The following PRMT2 variants were observed in gnomAD, a reference collection of about 807,000 sequenced individuals.
PRMT2 encodes protein arginine methyltransferase 2, also known as protein arginine N-methyltransferase 2.
PRMT2 carries 26 observed loss-of-function variants against 57.6 expected under a neutral mutation model. The observed-to-expected ratio is 0.45, with a 90% confidence interval of 0.33 to 0.63. The LOEUF is 0.63. Among genes scored for constraint, PRMT2 ranks in the 20% least tolerant of loss-of-function variants. PRMT2 has a pLI of 0.02. For missense variants in PRMT2, 472 were observed against 564.4 expected, an observed-to-expected ratio of 0.84 and a Z score of 1.66; for synonymous variants, 219 against 220.0, an observed-to-expected ratio of 1.00 and a Z score of 0.04.
Position 46,648,699 on chromosome 21 carries a change from T to C in PRMT2, c.489+80T>C. The C allele has an allele frequency of 1.3e-6, 2 of 1,544,434 alleles. No individual in the cohort carries two copies. Among genetic ancestry groups the C allele is most frequent in the Non-Finnish European group, 1.8e-6 (2 of 1,133,082 alleles). The stretch of plus-strand genomic sequence containing the variant: ...GAGGTGGCCTCTGAGTGTGCTGACT[T>C]GTGACCCTGAGCTGTTGGGGGCTCA... On this transcript the variant is annotated intron_variant, in intron 6 of 11. Transcript: ENST00000355680. This position sits in a 1 kb window ranked among gnomAD's most constrained non-coding sequence, Gnocchi z 4.8.
intron 11 of PRMT2, among the ~76,000 whole-genome samples, chr21:46,664,053 G>T (rs760375472): frequency 8.5e-5 from 13 of 152,168 alleles, no homozygotes; most frequent in Non-Finnish European, 1.8e-4. Flanking sequence ...GCTGAAAATG[G>T]AATGTTCTTC....
intron 7 of PRMT2, among the ~76,000 whole-genome samples, chr21:46,655,152 A>C (rs954637866): frequency 2.6e-5 from 4 of 151,912 alleles, no homozygotes; most frequent in Admixed American, 6.6e-5. Flanking sequence ...TGAAGAAAAA[A>C]CTCCAGTTCT....
At chr21:46,659,289 C>T (rs928581557) in intron 8 of PRMT2, 9 of 1,014,658 alleles carry the variant, frequency 8.9e-6, no homozygotes, top group Non-Finnish European at 1.1e-5. Context: ...CGACAGACAT[C>T]CATGGGGGCC....
chr21:46,653,018 A>C, intron 7 of PRMT2: 1 of 1,157,680 alleles, frequency 8.6e-7, no homozygotes. Flanking sequence ...ATTTGGTAGA[A>C]TTAAAAGACT....
At chr21:46,663,034 A>C (rs1311448355) in intron 10 of PRMT2, among the ~76,000 whole-genome samples, 1 of 152,022 alleles carries the variant, frequency 6.6e-6, no homozygotes, top group African/African-American at 2.4e-5. Context: ...GTGTCCCCTG[A>C]GCTCCCGCAT....
intron 7 of PRMT2, among the ~76,000 whole-genome samples, chr21:46,650,896 A>G (rs886461746): frequency 2.0e-5 from 3 of 152,220 alleles, no homozygotes; most frequent in Non-Finnish European, 4.4e-5. Flanking sequence ...CGGATTGGCC[A>G]GACTGTGTTG....
At chr21:46,653,096 C>A in intron 7 of PRMT2, 1 of 1,033,432 alleles carries the variant, frequency 9.7e-7, no homozygotes, top group Non-Finnish European at 1.2e-6. Flanking sequence ...ATATTATATT[C>A]CGTTATTCTC....
intron 3 of PRMT2, chr21:46,643,321 A>G: frequency 1.1e-6 from 1 of 920,888 alleles, no homozygotes. Context: ...GTTCTCTTTT[A>G]GGGTCCAGAT....
rs1322773555 is a variant in PRMT2, at chr21:46,649,894, G to A, written c.654+155G>A. On this transcript the variant is annotated intron_variant, in intron 7 of 11. Coordinates refer to ENST00000355680, the MANE Select transcript of PRMT2 (RefSeq NM_206962.4). This position sits in a 1 kb window ranked among gnomAD's most constrained non-coding sequence, Gnocchi z 4.8. ...TAATTAATTTCTTGTGTGGACATTGGCTCAGTGTCTTGAATTTTCACCTGA... is the reference window on the plus strand; with the variant it reads ...TAATTAATTTCTTGTGTGGACATTGACTCAGTGTCTTGAATTTTCACCTGA... The A allele has an allele frequency of 5.5e-6, 8 of 1,466,572 alleles. No homozygotes were observed. The African/African-American group carries it at 8.5e-5, about 16-fold the overall frequency. 90.8% of individuals were successfully genotyped at this position (1,466,572 alleles called of 1,614,324 possible). A position where few individuals can be genotyped will look rare whatever the true frequency, so the allele number is the denominator to read the frequency against.
intron 7 of PRMT2, chr21:46,653,034 A>G (rs1478103752): frequency 2.6e-6 from 3 of 1,132,786 alleles, no homozygotes; most frequent in African/African-American, 3.3e-5. Context: ...AGACTGCCAG[A>G]CTCAGTCTTA....
At chr21:46,653,883 C>T in intron 7 of PRMT2, 7 of 1,019,148 alleles carry the variant, frequency 6.9e-6, no homozygotes, top group Non-Finnish European at 8.2e-6. Context: ...CCTTCTACAA[C>T]AATGCACTTT....
At chr21:46,657,818 T>C (rs1301404083) in intron 7 of PRMT2, 1 of 152,188 alleles carries the variant, frequency 6.6e-6, no homozygotes, top group Non-Finnish European at 1.5e-5. Flanking sequence ...AAAAATAAGA[T>C]TGAAAAATAA....
rs756616014 is a variant in PRMT2, at chr21:46,637,029, G to T, written c.39+39G>T. On this transcript the variant is annotated intron_variant, in intron 3 of 11. Coordinates refer to ENST00000355680, the MANE Select transcript of PRMT2 (RefSeq NM_206962.4). ...CACTTCCTAAAAATCTGTGTTTAAT[G>T]AATGTGAGCATTACAGAGAGCTAAG... The T allele has an allele frequency of 1.9e-6, 3 of 1,606,384 alleles. No individual in the cohort carries two copies. The Admixed American group carries it at 5.0e-5, about 27-fold the overall frequency.
chr21:46,644,233 GA>G, intron 4 of PRMT2, 72 bp from the exon 5 acceptor site: 1 of 1,439,882 alleles, frequency 6.9e-7, no homozygotes, highest in Non-Finnish European at 9.5e-7. Context: ...CCATTGATGG[GA>G]TTTATCACTG....
intron 7 of PRMT2, chr21:46,658,101 CT>C (rs1288611792): frequency 6.6e-6 from 1 of 152,420 alleles, no homozygotes; most frequent in African/African-American, 2.4e-5. Flanking sequence ...GGCCACAGGC[CT>C]TGGCCCCACC....
At chr21:46,641,604 A>G (rs1013038900) in intron 3 of PRMT2, among the ~76,000 whole-genome samples, 1 of 152,032 alleles carries the variant, frequency 6.6e-6, no homozygotes, top group African/African-American at 2.4e-5. Context: ...AGGCATGCGA[A>G]TTGCTTGAAC....
At chr21:46,653,689 A>G (rs2061496552) in intron 7 of PRMT2, 2 of 1,257,752 alleles carry the variant, frequency 1.6e-6, no homozygotes, top group Admixed American at 5.8e-5. Context: ...TTTACTTTTC[A>G]GAGGTGCTAG....
intron 7 of PRMT2, among the ~76,000 whole-genome samples, chr21:46,654,684 A>G (rs1288463595): frequency 1.3e-5 from 2 of 152,246 alleles, no homozygotes; most frequent in African/African-American, 4.8e-5. Flanking sequence ...TATAGCAGCT[A>G]CTTACATAAC....
chr21:46,652,480 C>T, intron 7 of PRMT2: 1 of 985,368 alleles, frequency 1.0e-6, no homozygotes, highest in Non-Finnish European at 1.2e-6. Context: ...CAGAGAAATG[C>T]CAGAGGCCAG....
Sources: gnomAD v4.1 joint callset for allele counts (sites outside exome capture counted in the v4.1 genomes callset) on GRCh38, gnomAD v4.1.1 for gene constraint, Gnocchi (gnomAD v3.1) non-coding constraint, MANE v1.5 for transcripts, NCBI Gene and HGNC (gene_info 2026-07-23, HGNC 2026-07-21) for gene names.